Variants in PLAAT3 observed in about 807,000 individuals in gnomAD.
PLAAT3 encodes Ca-independent phospholipase A1/2.
Under a neutral mutation model 16.7 loss-of-function variants are expected in PLAAT3, and 21 were observed. That is an observed-to-expected ratio of 1.26 (90% CI 0.89 to 1.81). The LOEUF is 1.81. Ranked by LOEUF, PLAAT3 falls within the 40% of genes most tolerant of loss-of-function variation. The pLI, the probability that PLAAT3 is intolerant of heterozygous loss-of-function variation, is 0.00. For synonymous variants in PLAAT3, 76 were observed against 81.7 expected, an observed-to-expected ratio of 0.93 and a Z score of 0.38; for missense variants, 219 against 213.7, an observed-to-expected ratio of 1.02 and a Z score of -0.16.
chr11:63,600,447 G>C (rs1420198902), intron 2 of PLAAT3, among the ~76,000 whole-genome samples: 1 of 152,138 alleles, frequency 6.6e-6, no homozygotes, highest in Non-Finnish European at 1.5e-5. Flanking sequence ...TGTCATTCCA[G>C]AGCAGGCATA....
upstream of PLAAT3, among the ~76,000 whole-genome samples, chr11:63,615,250 G>GTATATA (rs1480553584): frequency 1.1e-5 from 1 of 95,054 alleles, no homozygotes; most frequent in African/African-American, 3.6e-5. Flanking sequence ...GTATATATGT[G>GTATATA]TGTGTATATA....
chr11:63,609,088 G>A (rs946505955), intron 2 of PLAAT3, among the ~76,000 whole-genome samples: 1 of 152,144 alleles, frequency 6.6e-6, no homozygotes, highest in African/African-American at 2.4e-5. Context: ...GTCACAGACC[G>A]CTCTCGGACC....
At chr11:63,590,516 TGG>T in intron 3 of PLAAT3, 148 bp from the exon 4 acceptor site, 1 of 646,424 alleles carries the variant, frequency 1.5e-6, no homozygotes, top group East Asian at 2.7e-5. Context: ...CTGTGGGCCT[TGG>T]GGAAGGTGTG....
At position 63,574,984 on chromosome 11, in the gene PLAAT3, A is replaced by C; in HGVS notation, c.450T>G (p.Ile150Met). The C allele has an allele frequency of 6.2e-7, 1 of 1,613,256 alleles. No individual in the cohort carries two copies. The highest frequency in any genetic ancestry group is 8.5e-7 in the Non-Finnish European group (1 of 1,179,146). Residue 150 changes from isoleucine to methionine, a missense_variant, in exon 5 of 5, where the codon ATT becomes ATG. Coordinates refer to ENST00000415826, the MANE Select transcript of PLAAT3 (RefSeq NM_001128203.2). ...AGMGLAAMSL[I>M]GVMFSRNKRQ... is the part of the protein sequence containing the mutation. Reference sequence around the variant, plus strand: ...GCTTGTTTCTTGAGAACATGACTCCAATAAGGCTCATGGCTGCCAAGCCCA... The same window carrying C: ...GCTTGTTTCTTGAGAACATGACTCCCATAAGGCTCATGGCTGCCAAGCCCA...
chr11:63,587,410 C>T (rs1018299796), intron 4 of PLAAT3, among the ~76,000 whole-genome samples: 9 of 151,962 alleles, frequency 5.9e-5, no homozygotes, highest in African/African-American at 2.2e-4. Context: ...TGACAATAAA[C>T]CAATGCCTTC....
chr11:63,610,908 G>A (rs971739975), intron 2 of PLAAT3, among the ~76,000 whole-genome samples: 1 of 151,956 alleles, frequency 6.6e-6, no homozygotes, highest in Non-Finnish European at 1.5e-5. Context: ...ACAGCAGGAG[G>A]CATCACAGGC....
chr11:63,589,699 T>G (rs995722644), intron 4 of PLAAT3, among the ~76,000 whole-genome samples: 1 of 152,134 alleles, frequency 6.6e-6, no homozygotes, highest in Non-Finnish European at 1.5e-5. Context: ...GTCTGGAGAC[T>G]CAACAAAGAT....
intron 2 of PLAAT3, among the ~76,000 whole-genome samples, chr11:63,602,991 G>A (rs1938468021): frequency 6.6e-6 from 1 of 152,198 alleles, no homozygotes; most frequent in Admixed American, 6.5e-5. Context: ...TACTCAGGAG[G>A]CTGAGGCAGG....
chr11:63,597,442 C>T (rs868490938), intron 3 of PLAAT3, among the ~76,000 whole-genome samples: 1 of 152,116 alleles, frequency 6.6e-6, no homozygotes, highest in Non-Finnish European at 1.5e-5. Context: ...AGGAGAATGG[C>T]GTAAACCCAG....
At chr11:63,578,963 A>T (rs1937707919) in intron 4 of PLAAT3, among the ~76,000 whole-genome samples, 1 of 152,214 alleles carries the variant, frequency 6.6e-6, no homozygotes, top group Non-Finnish European at 1.5e-5. Flanking sequence ...AAATTTTTCC[A>T]ATCTACTCAT....
intron 3 of PLAAT3, among the ~76,000 whole-genome samples, chr11:63,592,323 T>C (rs1488511683): frequency 2.0e-5 from 3 of 152,066 alleles, no homozygotes; most frequent in African/African-American, 7.2e-5. Flanking sequence ...TGCACCACCA[T>C]GCCCAGCTAA....
At chr11:63,587,587 C>T (rs1411719748) in intron 4 of PLAAT3, among the ~76,000 whole-genome samples, 1 of 146,732 alleles carries the variant, frequency 6.8e-6, no homozygotes, top group African/African-American at 2.5e-5. Flanking sequence ...CCAAGTCTCA[C>T]TCTGTCACCC....
chr11:63,611,675 G>A (rs1333023049), intron 2 of PLAAT3, among the ~76,000 whole-genome samples: 1 of 152,176 alleles, frequency 6.6e-6, no homozygotes, highest in Non-Finnish European at 1.5e-5. Flanking sequence ...ACATAAAACA[G>A]CCTGTCTCCC....
chr11:63,585,269 C>T (rs554825232), intron 4 of PLAAT3, among the ~76,000 whole-genome samples: 6 of 151,804 alleles, frequency 4.0e-5, no homozygotes, highest in East Asian at 1.9e-4. Flanking sequence ...ATGATCTGCC[C>T]GCCTCGGCCT....
Position 63,590,004 on chromosome 11 carries a change from T to C in PLAAT3, c.387+96A>G, listed in dbSNP as rs1394847026. The stretch of plus-strand genomic sequence containing the variant: ...AAGGGCAGTAATTCTGTCTCTGCTA[T>C]TTTGTCTTGTTCATGCCTCCATAGC... On this transcript the variant is annotated intron_variant, in intron 4 of 4. Transcript: ENST00000415826. 6.5e-5 allele frequency: 75 copies of C among 1,148,390 alleles called. 1 individual carries two copies. The East Asian group carries it at 1.7e-3, about 25-fold the overall frequency. 71.1% of individuals were successfully genotyped at this position (1,148,390 alleles called of 1,614,324 possible). A position where few individuals can be genotyped will look rare whatever the true frequency, so the allele number is the denominator to read the frequency against.
At position 63,574,903 on chromosome 11, in the gene PLAAT3, C is replaced by T. The variant is rs1393332070; in HGVS notation, c.*42G>A. ...AAACTCTCTAGCAAAACAAGACCCC[C>T]TTGATGTATAAAGTCATCGCTGACA... On this transcript the variant is annotated 3_prime_UTR_variant, in exon 5 of 5. Coordinates refer to ENST00000415826, the MANE Select transcript of PLAAT3 (RefSeq NM_001128203.2). 1.1e-5 allele frequency: 13 copies of T among 1,186,606 alleles called. No homozygotes were observed. The highest frequency in any genetic ancestry group is 1.5e-5 in the Non-Finnish European group (12 of 789,792). 73.5% of individuals were successfully genotyped at this position (1,186,606 alleles called of 1,614,324 possible). A position where few individuals can be genotyped will look rare whatever the true frequency, so the allele number is the denominator to read the frequency against.
chr11:63,576,374 AG>A (rs2017661060), intron 4 of PLAAT3, among the ~76,000 whole-genome samples: 1 of 152,210 alleles, frequency 6.6e-6, no homozygotes, highest in Non-Finnish European at 1.5e-5. Context: ...CTGTAATCCC[AG>A]CACTTTGGGA....
chr11:63,607,250 G>A (rs933884874), intron 2 of PLAAT3, among the ~76,000 whole-genome samples: 7 of 152,150 alleles, frequency 4.6e-5, no homozygotes, highest in African/African-American at 1.7e-4. Context: ...AACGAGAGGC[G>A]GGGACACAGC....
intron 2 of PLAAT3, among the ~76,000 whole-genome samples, chr11:63,604,689 A>G (rs1343300848): frequency 2.6e-5 from 4 of 151,946 alleles, no homozygotes; most frequent in Non-Finnish European, 5.9e-5. Context: ...CTTGAACCTG[A>G]GAAGTGGAGC....
Sources: gnomAD v4.1 joint callset for allele counts (sites outside exome capture counted in the v4.1 genomes callset) on GRCh38, gnomAD v4.1.1 for gene constraint, MANE v1.5 for transcripts, NCBI Gene and HGNC (gene_info 2026-07-23, HGNC 2026-07-21) for gene names.